The following AMPD1 variants were observed in gnomAD, a reference collection of about 807,000 sequenced individuals.
The protein encoded by AMPD1 is AMP deaminase 1.
A neutral mutation model predicts 82.9 loss-of-function variants in AMPD1; 74 were observed. The observed-to-expected ratio is 0.89, with a 90% CI of 0.74 to 1.08. The LOEUF (loss-of-function observed/expected upper bound fraction) is 1.08. Ranked by LOEUF, AMPD1 falls within the 50% of genes least tolerant of loss-of-function variation. The probability of loss-of-function intolerance (pLI) is 0.00; values close to 1 mark genes in which losing one functional copy is unlikely to be tolerated. For synonymous variants in AMPD1, 333 were observed against 320.5 expected, an observed-to-expected ratio of 1.04 and a Z score of -0.42; for missense variants, 881 against 924.5, an observed-to-expected ratio of 0.95 and a Z score of 0.61.
intron 6 of AMPD1, 90 bp downstream of exon 6, chr1:114,680,169 C>T: frequency 1.7e-6 from 2 of 1,148,574 alleles, no homozygotes; most frequent in Admixed American, 1.7e-5. Flanking sequence ...TTAGTAAATA[C>T]TTAGTCTCAC....
At chr1:114,674,916 G>A in intron 12 of AMPD1, 44 bp from the exon 13 acceptor site, 2 of 1,613,038 alleles carry the variant, frequency 1.2e-6, no homozygotes, top group Admixed American at 1.7e-5. Context: ...TTCTGGGTAT[G>A]GAGTGATTCA....
chr1:114,689,502 C>G (rs560196742), intron 2 of AMPD1, among the ~76,000 whole-genome samples: 2 of 152,150 alleles, frequency 1.3e-5, no homozygotes, highest in South Asian at 2.1e-4. Context: ...AATGAATAAC[C>G]CCAAGACCCT....
chr1:114,689,538 T>A (rs1658446117), intron 2 of AMPD1, among the ~76,000 whole-genome samples: 1 of 152,300 alleles, frequency 6.6e-6, no homozygotes, highest in East Asian at 1.9e-4. Flanking sequence ...CCAGTGTCTC[T>A]GGGCACACTG....
At chr1:114,682,730 C>T (rs980046632) in intron 5 of AMPD1, among the ~76,000 whole-genome samples, 5 of 152,158 alleles carry the variant, frequency 3.3e-5, no homozygotes, top group Non-Finnish European at 4.4e-5. Flanking sequence ...AGGCGCCCGC[C>T]ACCACGCCTG....
chr1:114,678,344 C>T lies in AMPD1; in HGVS notation c.1081G>A (p.Asp361Asn). 2 of 1,614,084 alleles carry T rather than the reference C, an allele frequency of 1.2e-6. No homozygotes were observed. The highest frequency in any genetic ancestry group is 1.7e-6 in the Non-Finnish European group (2 of 1,180,010). ...HPYDLTVDSL[D>N]VHAGRQTFQR... ...CCGTTTCAACCTACAGCATGAACAT[C>T]CAGAGAATCAACAGTCAGGTCATAA... The change falls in exon 8 of 16, where the codon GAT becomes AAT. Residue 361 changes from aspartate to asparagine, a missense_variant. Coordinates refer to ENST00000520113, the MANE Select transcript of AMPD1 (RefSeq NM_000036.3).
At chr1:114,688,912 T>A in intron 2 of AMPD1, 171 bp from the exon 3 acceptor site, 2 of 789,160 alleles carry the variant, frequency 2.5e-6, no homozygotes, top group Non-Finnish European at 4.6e-6. Context: ...AGTGGGTTTC[T>A]GTGTGGGTAC....
At chr1:114,682,808 G>A (rs979476256) in intron 5 of AMPD1, among the ~76,000 whole-genome samples, 1 of 152,166 alleles carries the variant, frequency 6.6e-6, no homozygotes, top group Non-Finnish European at 1.5e-5. Flanking sequence ...TCGATCTCCT[G>A]ACCTCGTGAT....
Position 114,684,230 on chromosome 1 carries a change from C to T in AMPD1, c.516G>A (p.Glu172=). ...AGAAGCTCTCATTTGCTACCCAAGC[C>T]TCACCATCAATGTTCCGCAAGTATT... ...PSKYLRNIDG[E]AWVANESFYP... is the part of the protein sequence containing the mutation. Residue 172 remains glutamate, a synonymous_variant, in exon 5 of 16, where the codon GAG becomes GAA. Transcript: ENST00000520113. 6.2e-7 allele frequency: 1 copy of T among 1,614,076 alleles called. No individual in the cohort carries two copies. Among genetic ancestry groups the T allele is most frequent in the Admixed American group, 1.7e-5 (1 of 60,018 alleles).
chr1:114,687,720 C>T (rs1385481952), intron 3 of AMPD1, among the ~76,000 whole-genome samples: 1 of 152,066 alleles, frequency 6.6e-6, no homozygotes, highest in Admixed American at 6.6e-5. Context: ...TTTTCAAAGA[C>T]TGCTCGGGGG....
At chr1:114,677,214 G>A (rs1658012991) in intron 10 of AMPD1, 137 bp downstream of exon 10, 2 of 1,175,570 alleles carry the variant, frequency 1.7e-6, no homozygotes, top group Non-Finnish European at 2.4e-6. Flanking sequence ...AACCAAGCAT[G>A]CAGGACCCGA....
At chr1:114,675,725 C>T (rs1657962143) in intron 11 of AMPD1, 32 bp from the exon 12 acceptor site, 1 of 1,613,978 alleles carries the variant, frequency 6.2e-7, no homozygotes, top group Middle Eastern at 1.7e-4. Context: ...GCAATGGGTT[C>T]AGTCCAACTT....
chr1:114,679,788 C>A, intron 6 of AMPD1, 80 bp from the exon 7 acceptor site: 1 of 1,488,908 alleles, frequency 6.7e-7, no homozygotes, highest in Non-Finnish European at 9.4e-7. Context: ...ACTATCAGGA[C>A]CTTTATCATT....
intron 2 of AMPD1, among the ~76,000 whole-genome samples, chr1:114,690,192 T>C (rs771743257): frequency 2.0e-5 from 3 of 152,222 alleles, no homozygotes; most frequent in African/African-American, 4.8e-5. Flanking sequence ...ACCTCCTACA[T>C]CTTCCTCTAT....
intron 3 of AMPD1, among the ~76,000 whole-genome samples, chr1:114,687,378 TG>T (rs1658352145): frequency 6.6e-6 from 1 of 152,222 alleles, no homozygotes. Flanking sequence ...GCACAGTACC[TG>T]GAACTTATAA....
intron 1 of AMPD1, among the ~76,000 whole-genome samples, chr1:114,695,061 A>G (rs1658635522): frequency 6.6e-6 from 1 of 152,180 alleles, no homozygotes; most frequent in South Asian, 2.1e-4. Flanking sequence ...AACCATCAGA[A>G]TACACACATG....
chr1:114,678,507 T>C lies in AMPD1; in HGVS notation c.918A>G (p.Ala306=), dbSNP rs760777657. 7.4e-6 allele frequency: 12 copies of C among 1,614,034 alleles called. No individual in the cohort carries two copies. The highest frequency in any genetic ancestry group is 9.3e-6 in the Non-Finnish European group (11 of 1,180,028). Residue 306 remains alanine (A), a synonymous_variant, in exon 8 of 16, where the codon GCA becomes GCG. Coordinates refer to ENST00000520113, the MANE Select transcript of AMPD1 (RefSeq NM_000036.3). The stretch of plus-strand genomic sequence containing the variant: ...GATGTTTCTGGTTCATGCAAGCGGC[T>C]GCATGGATATGGGTGTCCACCTGTA... ...NCRKVDTHIH[A]AACMNQKHLL...
chr1:114,693,164 A>AAG (rs1428778165), intron 2 of AMPD1, among the ~76,000 whole-genome samples: 9,050 of 138,940 alleles, frequency 0.065, 342 homozygotes, highest in Non-Finnish European at 0.08. Context: ...AAATAAATAA[A>AAG]TAAGTAAAAG....
chr1:114,678,451 AT>A lies in AMPD1; in HGVS notation c.973del (p.Ile325LeufsTer15), dbSNP rs1345111639. 7 of 1,614,080 alleles carry A rather than the reference AT, an allele frequency of 4.3e-6. No individual in the cohort carries two copies. Among genetic ancestry groups the A allele is most frequent in the Non-Finnish European group, 5.9e-6 (7 of 1,180,042 alleles). ...GCTATAGACCACTCTGTCAGCATCA[AT>A]TTGGTAAGATTTCTTAATAAAACGC... ...LLRFIKKSYQ[I>X]DADRVVYSTK... On this transcript the variant is annotated frameshift_variant, in exon 8 of 16. Transcript: ENST00000520113. LOFTEE classifies it high-confidence loss of function.
At chr1:114,685,510 G>T (rs1008826284) in intron 4 of AMPD1, among the ~76,000 whole-genome samples, 2 of 152,152 alleles carry the variant, frequency 1.3e-5, no homozygotes, top group Non-Finnish European at 1.5e-5. Flanking sequence ...GTAGAGTGTT[G>T]CTCAGCAGCC....
Sources: gnomAD v4.1 joint callset for allele counts (sites outside exome capture counted in the v4.1 genomes callset) on GRCh38, gnomAD v4.1.1 for gene constraint, MANE v1.5 for transcripts, NCBI Gene and HGNC (gene_info 2026-07-23, HGNC 2026-07-21) for gene names.